Variants in ENTREP1 observed in about 807,000 individuals in gnomAD.
The protein encoded by ENTREP1 is endosomal transmembrane epsin interactor 1.
chr9:69,387,956 C>T, the ENTREP1 span: 2 of 1,529,608 alleles, frequency 1.3e-6, no homozygotes, highest in South Asian at 1.2e-5. Flanking sequence ...GTGTTTCGGG[C>T]CATATCCTAT....
At chr9:69,347,966 A>G in the ENTREP1 span, among the ~76,000 whole-genome samples, 1 of 152,196 alleles carries the variant, frequency 6.6e-6, no homozygotes, top group Non-Finnish European at 1.5e-5. Flanking sequence ...CGTGCTTGGT[A>G]TCATGCCACA....
At chr9:69,383,576 G>A in the ENTREP1 span, 3 of 1,607,952 alleles carry the variant, frequency 1.9e-6, no homozygotes, top group African/African-American at 4.0e-5. Flanking sequence ...CATCACTGCA[G>A]TCACGTGGCC....
At chr9:69,355,712 C>G in the ENTREP1 span, among the ~76,000 whole-genome samples, 1 of 152,182 alleles carries the variant, frequency 6.6e-6, no homozygotes, top group Non-Finnish European at 1.5e-5. Context: ...AGATGGCAGC[C>G]AGGTTGGGAA....
At chr9:69,330,218 G>A in the ENTREP1 span, among the ~76,000 whole-genome samples, 10 of 152,198 alleles carry the variant, frequency 6.6e-5, no homozygotes, top group East Asian at 5.8e-4. Flanking sequence ...AGACTCAGTC[G>A]GCCACACTGC....
chr9:69,360,823 G>T, the ENTREP1 span, among the ~76,000 whole-genome samples: 9 of 151,700 alleles, frequency 5.9e-5, no homozygotes, highest in African/African-American at 1.9e-4. Flanking sequence ...ACAAATTTTG[G>T]TGGAGCATCC....
At chr9:69,389,804 T>C in the ENTREP1 span, among the ~76,000 whole-genome samples, 9 of 152,238 alleles carry the variant, frequency 5.9e-5, no homozygotes, top group East Asian at 1.9e-4. Flanking sequence ...CAAGCACTTA[T>C]ACAGTTCACT....
the ENTREP1 span, among the ~76,000 whole-genome samples, chr9:69,390,839 C>T: frequency 1.9e-4 from 29 of 151,782 alleles, no homozygotes; most frequent in Non-Finnish European, 3.5e-4. Flanking sequence ...TGAGGTCTTG[C>T]GATGTTGTCC....
the ENTREP1 span, chr9:69,387,786 A>G: frequency 1.4e-6 from 1 of 738,474 alleles, no homozygotes; most frequent in South Asian, 1.8e-5. Context: ...TCCTTGGAAC[A>G]TCCTTTCATT....
chr9:69,375,916 A>G, the ENTREP1 span: 5 of 1,563,316 alleles, frequency 3.2e-6, no homozygotes, highest in Non-Finnish European at 4.3e-6. Context: ...GGAGCCCCCA[A>G]AGAAGGCAAA....
the ENTREP1 span, among the ~76,000 whole-genome samples, chr9:69,340,234 C>T: frequency 5.9e-5 from 9 of 152,166 alleles, no homozygotes; most frequent in African/African-American, 2.2e-4. Flanking sequence ...GAAGGATGCT[C>T]TTTTTCAGGG....
the ENTREP1 span, among the ~76,000 whole-genome samples, chr9:69,338,500 CATTT>C: frequency 6.6e-6 from 1 of 152,112 alleles, no homozygotes; most frequent in Non-Finnish European, 1.5e-5. Context: ...CCTATTATGA[CATTT>C]ATTTATTTGA....
the ENTREP1 span, among the ~76,000 whole-genome samples, chr9:69,338,365 G>C: frequency 1.3e-5 from 2 of 152,118 alleles, no homozygotes; most frequent in African/African-American, 4.8e-5. Flanking sequence ...AAATTACTCA[G>C]TAATACAAAT....
At chr9:69,325,066 T>A in the ENTREP1 span, 1 of 984,872 alleles carries the variant, frequency 1.0e-6, no homozygotes, top group Non-Finnish European at 1.2e-6. Context: ...TGGGTGAGAG[T>A]GAGGGTGCGC....
chr9:69,383,413 G>A, the ENTREP1 span: 1 of 1,384,670 alleles, frequency 7.2e-7, no homozygotes, highest in Non-Finnish European at 9.4e-7. Context: ...AGCAATGATG[G>A]GGTTGCATTT....
chr9:69,355,310 T>C, the ENTREP1 span, among the ~76,000 whole-genome samples: 1 of 152,230 alleles, frequency 6.6e-6, no homozygotes, highest in Non-Finnish European at 1.5e-5. Flanking sequence ...GAGCACCTGC[T>C]TTGTGTCAGG....
chr9:69,340,104 A>C, the ENTREP1 span, among the ~76,000 whole-genome samples: 2 of 152,046 alleles, frequency 1.3e-5, no homozygotes, highest in Non-Finnish European at 2.9e-5. Flanking sequence ...GAACTCTCAA[A>C]ATTTCTTTTA....
chr9:69,336,857 C>G, the ENTREP1 span, among the ~76,000 whole-genome samples: 3 of 151,830 alleles, frequency 2.0e-5, no homozygotes, highest in African/African-American at 7.3e-5. Context: ...CGCCACTGCG[C>G]CCAGCTAATT....
chr9:69,391,335 T>C, the ENTREP1 span, among the ~76,000 whole-genome samples: 1 of 152,046 alleles, frequency 6.6e-6, no homozygotes, highest in Non-Finnish European at 1.5e-5. Context: ...AGAAAAGCAA[T>C]GAGAAGAATG....
chr9:69,367,013 C>T, the ENTREP1 span, among the ~76,000 whole-genome samples: 1 of 152,012 alleles, frequency 6.6e-6, no homozygotes, highest in South Asian at 2.1e-4. Flanking sequence ...ATTTCCCAGG[C>T]TCAAGCAATA....
Sources: gnomAD v4.1 joint callset for allele counts (sites outside exome capture counted in the v4.1 genomes callset) on GRCh38, gnomAD v4.1.1 for gene constraint, MANE v1.5 for transcripts, NCBI Gene and HGNC (gene_info 2026-07-23, HGNC 2026-07-21) for gene names.